The following NRXN1 variants were observed in gnomAD, a reference collection of about 807,000 sequenced individuals.
NRXN1 encodes neurexin-1.
Under a neutral mutation model 150.9 loss-of-function variants are expected in NRXN1, and 39 were observed. That is an observed-to-expected ratio of 0.26 (90% confidence interval 0.20 to 0.34). NRXN1 has a LOEUF of 0.34. NRXN1 is among the 10% of genes least tolerant of loss of function. The pLI is 1.00. For synonymous variants in NRXN1, 924 were observed against 757.0 expected (o/e 1.22, Z -3.62); for missense variants, 1,815 against 1,949.9 (o/e 0.93, Z 1.30).
At chr2:50,789,008 G>A (rs948429884) in intron 5 of NRXN1, among the ~76,000 whole-genome samples, 3 of 152,124 alleles carry the variant, frequency 2.0e-5, no homozygotes, top group Non-Finnish European at 4.4e-5. Flanking sequence ...ATGGATTGGG[G>A]GAGAAAAGGG....
intron 17 of NRXN1, among the ~76,000 whole-genome samples, chr2:50,454,794 A>G (rs2087373496): frequency 6.6e-6 from 1 of 152,160 alleles, no homozygotes; most frequent in African/African-American, 2.4e-5. Context: ...AAACAGAAGA[A>G]TGAGATAATA....
chr2:50,045,690 C>A (rs1054799257), intron 21 of NRXN1, among the ~76,000 whole-genome samples: 1 of 152,114 alleles, frequency 6.6e-6, no homozygotes, highest in Non-Finnish European at 1.5e-5. Context: ...AGGTTATATT[C>A]TTGCTACTTA....
At chr2:50,546,080 G>T (rs955524784) in intron 9 of NRXN1, among the ~76,000 whole-genome samples, 2 of 152,090 alleles carry the variant, frequency 1.3e-5, no homozygotes, top group Non-Finnish European at 2.9e-5. Flanking sequence ...GGGCCGGGCC[G>T]ACTGTATACA....
chr2:50,181,696 T>A (rs970717789), intron 18 of NRXN1, among the ~76,000 whole-genome samples: 3 of 152,070 alleles, frequency 2.0e-5, no homozygotes, highest in African/African-American at 7.3e-5. Flanking sequence ...GAGTTTTACT[T>A]TTTTTGTTTA....
chr2:50,137,504 C>A (rs972579833), intron 18 of NRXN1, among the ~76,000 whole-genome samples: 3 of 151,976 alleles, frequency 2.0e-5, no homozygotes, highest in African/African-American at 7.3e-5. Context: ...TACTTGACTG[C>A]AACTAGATTT....
chr2:50,271,972 T>C (rs1259919510), intron 17 of NRXN1, among the ~76,000 whole-genome samples: 1 of 152,136 alleles, frequency 6.6e-6, no homozygotes, highest in Non-Finnish European at 1.5e-5. Context: ...TAATGGACTA[T>C]GCAGTCTGAG....
At chr2:50,642,753 C>T (rs751314180) in intron 5 of NRXN1, among the ~76,000 whole-genome samples, 47 of 151,882 alleles carry the variant, frequency 3.1e-4, no homozygotes, top group African/African-American at 7.7e-4. Context: ...CAGAGTTAAG[C>T]GTTTGGAAAG....
rs546234789 is a variant in NRXN1, at chr2:50,058,177, T to C, written c.3719-3133A>G. On this transcript the variant is annotated intron_variant, in intron 19 of 22. Coordinates refer to ENST00000401669, the MANE Select transcript of NRXN1 (RefSeq NM_001330078.2). ...AGTATGATGTAAGTCAACAGAAGCT[T>C]TGGAGATCCTTGCTGAGACTCAGCT... Among the ~76,000 whole-genome samples, 10 of 152,258 alleles carry C rather than the reference T, an allele frequency of 6.6e-5. No individual in the cohort carries two copies. The South Asian group carries it at 2.1e-3, about 32-fold the overall frequency.
At chr2:50,353,324 T>C (rs1422194068) in intron 17 of NRXN1, among the ~76,000 whole-genome samples, 1 of 152,130 alleles carries the variant, frequency 6.6e-6, no homozygotes, top group African/African-American at 2.4e-5. Flanking sequence ...CAACCAATAA[T>C]ATGCCATCTT....
intron 2 of NRXN1, among the ~76,000 whole-genome samples, chr2:50,967,743 C>T (rs548068742): frequency 6.6e-6 from 1 of 151,898 alleles, no homozygotes; most frequent in South Asian, 2.1e-4. Context: ...GTAGCTTTTA[C>T]CTCTGTGCAT....
At chr2:50,878,309 T>C (rs77329810) in intron 5 of NRXN1, among the ~76,000 whole-genome samples, 1 of 152,038 alleles carries the variant, frequency 6.6e-6, no homozygotes, top group East Asian at 2.0e-4. Flanking sequence ...CATTTTAAAT[T>C]TTCCCTGTGA....
At chr2:50,361,000 C>T (rs2079149693) in intron 17 of NRXN1, among the ~76,000 whole-genome samples, 1 of 152,168 alleles carries the variant, frequency 6.6e-6, no homozygotes, top group Admixed American at 6.5e-5. Context: ...GAACAACCTG[C>T]TCCTGAATGA....
At chr2:50,192,277 T>C (rs1262760425) in intron 18 of NRXN1, among the ~76,000 whole-genome samples, 1 of 152,208 alleles carries the variant, frequency 6.6e-6, no homozygotes. Flanking sequence ...ATTATTATAG[T>C]ATCATTTTCT....
At chr2:50,592,287 C>T (rs944197042) in intron 8 of NRXN1, among the ~76,000 whole-genome samples, 26 of 152,368 alleles carry the variant, frequency 1.7e-4, no homozygotes, top group Admixed American at 5.9e-4. Context: ...TAGACTTCCA[C>T]AGTTGGCAAG....
At chr2:50,417,144 A>G (rs1424837824) in intron 17 of NRXN1, 1 of 152,108 alleles carries the variant, frequency 6.6e-6, no homozygotes, top group Non-Finnish European at 1.5e-5. Context: ...GTTTTATAAA[A>G]GCGGTCAAAC....
intron 5 of NRXN1, among the ~76,000 whole-genome samples, chr2:50,655,502 G>C: frequency 6.6e-6 from 1 of 151,968 alleles, no homozygotes; most frequent in East Asian, 1.9e-4. Context: ...GTGCTTGTTT[G>C]AATGTAAAAT....
intron 8 of NRXN1, among the ~76,000 whole-genome samples, chr2:50,580,247 G>A (rs1045361955): frequency 2.0e-5 from 3 of 152,156 alleles, no homozygotes; most frequent in Admixed American, 2.0e-4. Flanking sequence ...AATGTATGAT[G>A]CTGGGTCTAT....
At chr2:50,463,385 T>C (rs2088458396) in intron 17 of NRXN1, among the ~76,000 whole-genome samples, 1 of 151,826 alleles carries the variant, frequency 6.6e-6, no homozygotes, top group East Asian at 1.9e-4. Flanking sequence ...CTCCAACGTA[T>C]AAGCCAAGGA....
intron 5 of NRXN1, among the ~76,000 whole-genome samples, chr2:50,699,081 C>T (rs962393580): frequency 1.3e-5 from 2 of 152,158 alleles, no homozygotes; most frequent in Non-Finnish European, 2.9e-5. Flanking sequence ...GTCAGACAGT[C>T]ATGGTGCAGC....
Sources: gnomAD v4.1 joint callset for allele counts (sites outside exome capture counted in the v4.1 genomes callset) on GRCh38, gnomAD v4.1.1 for gene constraint, MANE v1.5 for transcripts, NCBI Gene and HGNC (gene_info 2026-07-23, HGNC 2026-07-21) for gene names.